NLGN1: variants seen among roughly 807,000 people sequenced by gnomAD.
NLGN1 encodes the protein neuroligin-1.
In NLGN1, 12 loss-of-function variants were observed where a neutral mutation model predicts 65.5. The observed-to-expected ratio is 0.18, with a 90% CI of 0.12 to 0.30. NLGN1 has a LOEUF of 0.30. Ranked by LOEUF, NLGN1 falls within the 10% of genes least tolerant of loss-of-function variation. NLGN1 has a pLI of 1.00. For missense variants in NLGN1, 750 were observed against 1,007.1 expected (o/e 0.74, Z 3.46); for synonymous variants, 350 against 359.5 (o/e 0.97, Z 0.30).
chr3:173,720,788 A>G (rs1057081050), intron 3 of NLGN1, among the ~76,000 whole-genome samples: 1 of 152,212 alleles, frequency 6.6e-6, no homozygotes, highest in African/African-American at 2.4e-5. Flanking sequence ...GGCATAGTGC[A>G]AAGATCTGGG....
At chr3:173,965,499 A>G (rs78578369) in intron 4 of NLGN1, among the ~76,000 whole-genome samples, 1 of 146,004 alleles carries the variant, frequency 6.8e-6, no homozygotes, top group African/African-American at 2.6e-5. Context: ...TTTTTTTTTA[A>G]GTAGAGACAG....
intron 4 of NLGN1, among the ~76,000 whole-genome samples, chr3:174,019,939 A>G (rs528942984): frequency 6.6e-6 from 1 of 152,250 alleles, no homozygotes; most frequent in Admixed American, 6.5e-5. Flanking sequence ...TGTATGATTA[A>G]TTTAACAGTA....
At chr3:174,291,962 A>G in the NLGN1 span, among the ~76,000 whole-genome samples, 488 of 151,408 alleles carry the variant, frequency 3.2e-3, 3 homozygotes, top group Non-Finnish European at 5.1e-3. Context: ...ACTTTCAATA[A>G]TCATATTTAC....
At chr3:173,445,286 A>AC (rs1437019955) in intron 2 of NLGN1, among the ~76,000 whole-genome samples, 2 of 151,480 alleles carry the variant, frequency 1.3e-5, no homozygotes, top group African/African-American at 4.8e-5. Flanking sequence ...AAAAAAAAAA[A>AC]AAAAAAAAAC....
chr3:174,016,447 G>A (rs1182382526), intron 4 of NLGN1, among the ~76,000 whole-genome samples: 4 of 152,150 alleles, frequency 2.6e-5, no homozygotes, highest in African/African-American at 4.8e-5. Flanking sequence ...GGAAAGAGCT[G>A]CTTTATTATA....
At chr3:173,470,028 G>A (rs185787776) in intron 2 of NLGN1, among the ~76,000 whole-genome samples, 2 of 151,858 alleles carry the variant, frequency 1.3e-5, no homozygotes, top group African/African-American at 4.8e-5. Context: ...ATTTGAGGGT[G>A]ACCCTCAGAC....
At chr3:174,046,108 A>G (rs1320157138) in intron 4 of NLGN1, among the ~76,000 whole-genome samples, 1 of 152,210 alleles carries the variant, frequency 6.6e-6, no homozygotes, top group Admixed American at 6.5e-5. Flanking sequence ...TATTGCAAGT[A>G]TATTTGTAAG....
intron 4 of NLGN1, among the ~76,000 whole-genome samples, chr3:173,975,414 A>T (rs1717209575): frequency 6.6e-6 from 1 of 152,004 alleles, no homozygotes; most frequent in Non-Finnish European, 1.5e-5. Context: ...AAGAATTATT[A>T]TATCAGAAAA....
intron 2 of NLGN1, among the ~76,000 whole-genome samples, chr3:173,574,062 C>CAAAAAAAAAAAAAAAAAAAAAAAAAAAA (rs1192427397): frequency 1.9e-5 from 1 of 51,916 alleles, no homozygotes; most frequent in Non-Finnish European, 3.6e-5. Context: ...GACTCCACCT[C>CAAAAAAAAAAAAAAAAAAAAAAAAAAAA]AAAAAAAAAA....
intron 2 of NLGN1, among the ~76,000 whole-genome samples, chr3:173,524,173 G>A (rs543526611): frequency 8.4e-4 from 128 of 151,586 alleles, no homozygotes; most frequent in African/African-American, 2.7e-3. Context: ...TGATCTGCCC[G>A]CCTCAGCCTC....
chr3:173,721,393 A>C (rs1770808552), intron 3 of NLGN1, among the ~76,000 whole-genome samples: 1 of 152,194 alleles, frequency 6.6e-6, no homozygotes, highest in South Asian at 2.1e-4. Context: ...AGGCTCATTT[A>C]AGTGTATTTT....
intron 2 of NLGN1, among the ~76,000 whole-genome samples, chr3:173,587,203 C>G (rs1441856953): frequency 6.6e-6 from 1 of 152,150 alleles, no homozygotes; most frequent in Non-Finnish European, 1.5e-5. Context: ...AAATACATTT[C>G]TGTCAGAATA....
chr3:173,490,306 A>G (rs958120214), intron 2 of NLGN1, among the ~76,000 whole-genome samples: 4 of 152,124 alleles, frequency 2.6e-5, no homozygotes, highest in African/African-American at 7.2e-5. Context: ...TCAGCTTTCT[A>G]CATATGGCTA....
intron 1 of NLGN1, among the ~76,000 whole-genome samples, chr3:173,417,108 A>G (rs1207384083): frequency 3.3e-5 from 5 of 152,072 alleles, no homozygotes; most frequent in African/African-American, 1.2e-4. Flanking sequence ...TTCATAGAAA[A>G]TGATCTACCT....
chr3:173,838,843 T>C (rs1724190354), intron 4 of NLGN1, among the ~76,000 whole-genome samples: 1 of 152,200 alleles, frequency 6.6e-6, no homozygotes, highest in South Asian at 2.1e-4. Context: ...ATCCTGAGAA[T>C]GTGTGAATAA....
rs73880554 is a variant in NLGN1 at position 173,717,501 on chromosome 3, T to C, written c.494-90179T>C. 3.4e-3 allele frequency among the ~76,000 whole-genome samples: 520 copies of C among 152,282 alleles called. 5 individuals carry two copies. Among genetic ancestry groups the C allele is most frequent in the African/African-American group, 0.012 (493 of 41,566 alleles). On this transcript the variant is annotated intron_variant, in intron 3 of 6. Transcript: ENST00000457714. The stretch of plus-strand genomic sequence containing the variant: ...GTCAAACTGTTTTAGCCATGATCCA[T>C]GGCTAATAACCTATGTTACCTGTGC...
chr3:173,446,640 C>T (rs1239189895), intron 2 of NLGN1, among the ~76,000 whole-genome samples: 2 of 152,190 alleles, frequency 1.3e-5, no homozygotes, highest in African/African-American at 2.4e-5. Flanking sequence ...GGAATTGGCA[C>T]ACCAACTTCC....
At chr3:173,664,818 A>C (rs2149706524) in intron 3 of NLGN1, among the ~76,000 whole-genome samples, 1 of 152,236 alleles carries the variant, frequency 6.6e-6, no homozygotes, top group Middle Eastern at 3.4e-3. Context: ...TAAAGTCTCA[A>C]GTTCGGTGCT....
intron 3 of NLGN1, among the ~76,000 whole-genome samples, chr3:173,769,675 A>T (rs1191380023): frequency 6.6e-6 from 1 of 152,186 alleles, no homozygotes; most frequent in Non-Finnish European, 1.5e-5. Flanking sequence ...AGGATTGGAG[A>T]TGGAATGTGG....
Sources: gnomAD v4.1 joint callset for allele counts (sites outside exome capture counted in the v4.1 genomes callset) on GRCh38, gnomAD v4.1.1 for gene constraint, MANE v1.5 for transcripts, NCBI Gene and HGNC (gene_info 2026-07-23, HGNC 2026-07-21) for gene names.